ABI1: variants seen among roughly 807,000 people sequenced by gnomAD.
ABI1 encodes the protein abl interactor 1, also known as Abelson interactor 1.
In ABI1, 14 loss-of-function variants were observed where a neutral mutation model predicts 54.6. That is an observed-to-expected ratio of 0.26 (90% CI 0.17 to 0.40). The LOEUF is 0.40. ABI1 is among the 10% of genes least tolerant of loss of function. The probability of loss-of-function intolerance (pLI) is 1.00; values close to 1 mark genes in which losing one functional copy is unlikely to be tolerated. For missense variants in ABI1, 443 were observed against 598.3 expected (o/e 0.74, Z 2.71); for synonymous variants, 194 against 209.3 (o/e 0.93, Z 0.63).
Position 26,768,574 on chromosome 10 carries a change from C to T in ABI1, c.719+278G>A, listed in dbSNP as rs61848586. Reference sequence around the variant, plus strand: ...AGAAAAAAATTCTTTAGTCTTAACCCGTAGAGTCTGATAGAGTCTGTACCT... The same window carrying T: ...AGAAAAAAATTCTTTAGTCTTAACCTGTAGAGTCTGATAGAGTCTGTACCT... On this transcript the variant is annotated intron_variant, in intron 6 of 10. Coordinates refer to ENST00000376140, the MANE Select transcript of ABI1 (RefSeq NM_001012750.3). Among the ~76,000 whole-genome samples the T allele has an allele frequency of 0.016, 2,400 of 151,734 alleles. 24 individuals carry two copies. Among genetic ancestry groups the T allele is most frequent in the South Asian group, 0.031 (151 of 4,798 alleles).
intron 1 of ABI1, among the ~76,000 whole-genome samples, chr10:26,831,513 A>C (rs1564555363): frequency 6.6e-6 from 1 of 152,212 alleles, no homozygotes; most frequent in Non-Finnish European, 1.5e-5. Context: ...ACTGCACTCC[A>C]GCCTGGGCGA....
intron 1 of ABI1, among the ~76,000 whole-genome samples, chr10:26,846,096 C>G (rs2049954523): frequency 6.6e-6 from 1 of 150,568 alleles, no homozygotes; most frequent in African/African-American, 2.4e-5. Context: ...GAGCTGAGAT[C>G]ACACCACTGC....
At chr10:26,821,737 T>A (rs1361739231) in intron 2 of ABI1, among the ~76,000 whole-genome samples, 1 of 148,654 alleles carries the variant, frequency 6.7e-6, no homozygotes, top group East Asian at 2.0e-4. Flanking sequence ...AGGCGAAGGA[T>A]GCAGAGAGCC....
intron 2 of ABI1, among the ~76,000 whole-genome samples, chr10:26,799,592 T>G (rs1198285708): frequency 6.6e-6 from 1 of 152,224 alleles, no homozygotes; most frequent in African/African-American, 2.4e-5. Context: ...TCTGACTGCC[T>G]TCGTTTGGAT....
chr10:26,761,776 T>C (rs565664679), intron 7 of ABI1, among the ~76,000 whole-genome samples: 2 of 151,104 alleles, frequency 1.3e-5, no homozygotes, highest in South Asian at 4.2e-4. Flanking sequence ...TTTTCCTTGA[T>C]AATATTTTCA....
intron 2 of ABI1, among the ~76,000 whole-genome samples, chr10:26,785,616 C>A (rs769084572): frequency 6.6e-6 from 1 of 151,556 alleles, no homozygotes; most frequent in Non-Finnish European, 1.5e-5. Context: ...CAGTTACTTG[C>A]GGGGGTGCTG....
chr10:26,776,249 A>G (rs970874820), intron 3 of ABI1, among the ~76,000 whole-genome samples: 2 of 152,190 alleles, frequency 1.3e-5, no homozygotes, highest in African/African-American at 4.8e-5. Context: ...CAGAAAATCC[A>G]GAATGTAACA....
chr10:26,805,824 C>A (rs1028617053), intron 2 of ABI1, among the ~76,000 whole-genome samples: 1 of 152,158 alleles, frequency 6.6e-6, no homozygotes, highest in African/African-American at 2.4e-5. Flanking sequence ...CCAGCAGATA[C>A]AAGAAGCAGA....
intron 2 of ABI1, among the ~76,000 whole-genome samples, chr10:26,805,215 A>G (rs1015323173): frequency 2.0e-5 from 3 of 152,226 alleles, no homozygotes; most frequent in Non-Finnish European, 4.4e-5. Flanking sequence ...ATGCTATGGT[A>G]TCTGAACTAT....
chr10:26,758,068 C>CAA lies in ABI1; in HGVS notation c.997+992_997+993dup, dbSNP rs71403888. On this transcript the variant is annotated intron_variant, in intron 8 of 10. Transcript: ENST00000376140. ...GGGCGACAAGAGTGAAACTCTGTCTCAAAAAAAAAAAAAAAAAAAAAAAAA... is the reference window on the plus strand; with the variant it reads ...GGGCGACAAGAGTGAAACTCTGTCTCAAAAAAAAAAAAAAAAAAAAAAAAAAA... Among the ~76,000 whole-genome samples the CAA allele has an allele frequency of 6.1e-4, 41 of 67,352 alleles. 1 individual carries two copies. The highest frequency in any genetic ancestry group is 9.2e-4 in the Non-Finnish European group (32 of 34,892). The allele number at this position is 67,352 out of a possible 152,430, so 44.2% of individuals were successfully genotyped here. A position where few individuals can be genotyped will look rare whatever the true frequency, so the allele number is the denominator to read the frequency against.
chr10:26,849,266 A>ATGTCACC lies in ABI1; in HGVS notation c.117+11480_117+11481insGGTGACA, dbSNP rs1564582845. ...TTAGAGGTAATCAAGGCAATGTCAC[A>ATGTCACC]GACGATACTAGTACTCATTGTGTTC... On this transcript the variant is annotated intron_variant, in intron 1 of 10. Coordinates refer to ENST00000376140, the MANE Select transcript of ABI1 (RefSeq NM_001012750.3). Among the ~76,000 whole-genome samples, 3 of 152,140 alleles carry ATGTCACC rather than the reference A, an allele frequency of 2.0e-5. No homozygotes were observed. In the South Asian group the frequency reaches 6.2e-4, roughly 32 times the overall value.
intron 1 of ABI1, among the ~76,000 whole-genome samples, chr10:26,849,429 G>T (rs1456120440): frequency 6.6e-6 from 1 of 152,090 alleles, no homozygotes; most frequent in Non-Finnish European, 1.5e-5. Context: ...TTTTAATATT[G>T]TATACGACAA....
At chr10:26,771,941 A>T (rs1588825793) in intron 3 of ABI1, among the ~76,000 whole-genome samples, 1 of 151,936 alleles carries the variant, frequency 6.6e-6, no homozygotes, top group African/African-American at 2.4e-5. Context: ...AAAAAAAAAT[A>T]TCTTCAGGTT....
At chr10:26,835,701 T>A (rs2049020628) in intron 1 of ABI1, among the ~76,000 whole-genome samples, 1 of 152,140 alleles carries the variant, frequency 6.6e-6, no homozygotes, top group Admixed American at 6.6e-5. Context: ...ATATGGGTAA[T>A]TTTTAATATT....
At chr10:26,840,955 T>C (rs2134058385) in intron 1 of ABI1, among the ~76,000 whole-genome samples, 2 of 152,336 alleles carry the variant, frequency 1.3e-5, no homozygotes, top group South Asian at 4.1e-4. Flanking sequence ...TAATTAAAAT[T>C]CAGGCTGTAT....
intron 2 of ABI1, among the ~76,000 whole-genome samples, chr10:26,810,816 T>A (rs549151681): frequency 1.2e-3 from 178 of 146,708 alleles, no homozygotes; most frequent in South Asian, 1.7e-3. Context: ...CCTGTTCTTT[T>A]AAAAAAAAAA....
intron 2 of ABI1, among the ~76,000 whole-genome samples, chr10:26,812,774 C>G (rs555105109): frequency 7.9e-5 from 12 of 152,182 alleles, no homozygotes; most frequent in Admixed American, 2.0e-4. Context: ...ACCAGTCATA[C>G]TGGACTAGGG....
chr10:26,754,097 C>T (rs1837968281), intron 9 of ABI1, among the ~76,000 whole-genome samples: 1 of 152,098 alleles, frequency 6.6e-6, no homozygotes, highest in Non-Finnish European at 1.5e-5. Context: ...AGCAGTTTAC[C>T]CTTACTCATT....
chr10:26,856,237 C>T (rs1222871274), intron 1 of ABI1, among the ~76,000 whole-genome samples: 1 of 149,746 alleles, frequency 6.7e-6, no homozygotes, highest in African/African-American at 2.5e-5. Flanking sequence ...CATGCCACTG[C>T]ACTCCAGCCT....
Sources: gnomAD v4.1 joint callset for allele counts (sites outside exome capture counted in the v4.1 genomes callset) on GRCh38, gnomAD v4.1.1 for gene constraint, MANE v1.5 for transcripts, NCBI Gene and HGNC (gene_info 2026-07-23, HGNC 2026-07-21) for gene names.